Variants in CEP44 observed in about 807,000 individuals in gnomAD.
CEP44 encodes the protein centrosomal protein of 44 kDa.
CEP44 carries 45 observed loss-of-function variants against 46.7 expected under a neutral mutation model. That is an observed-to-expected ratio of 0.96 (90% CI 0.76 to 1.24). The LOEUF (loss-of-function observed/expected upper bound fraction) is 1.24, where lower values mean the gene tolerates loss of function less well. Ranked by LOEUF, CEP44 falls within the 50% of genes most tolerant of loss-of-function variation. The probability of loss-of-function intolerance (pLI) is 0.00; values close to 1 mark genes in which losing one functional copy is unlikely to be tolerated. For missense variants in CEP44, 475 were observed against 459.7 expected (o/e 1.03, Z -0.30); for synonymous variants, 142 against 146.0 (o/e 0.97, Z 0.20).
chr4:174,331,657 T>A lies in CEP44; in HGVS notation c.*62T>A, dbSNP rs915934999. Reference sequence around the variant, plus strand: ...CTGTACTCTGATGTTTCAGTGAAGCTCATCCACGAAGTCCAGAATTCTGCC... The same window carrying A: ...CTGTACTCTGATGTTTCAGTGAAGCACATCCACGAAGTCCAGAATTCTGCC... On this transcript the variant is annotated 3_prime_UTR_variant, in exon 9 of 9. Coordinates refer to the CEP44 transcript ENST00000426172. The surrounding 1 kb of genome is among the most constrained non-coding windows in gnomAD (Gnocchi z 4.5). The A allele has an allele frequency of 6.6e-6, 10 of 1,513,282 alleles. No individual in the cohort carries two copies. The highest frequency in any genetic ancestry group is 8.0e-6 in the Non-Finnish European group (9 of 1,124,880). 93.7% of individuals were successfully genotyped at this position (1,513,282 alleles called of 1,614,324 possible).
intron 9 of CEP44, among the ~76,000 whole-genome samples, chr4:174,315,189 C>T (rs543139073): frequency 6.6e-6 from 1 of 150,596 alleles, no homozygotes; most frequent in Non-Finnish European, 1.5e-5. Context: ...TGTAGGCTTA[C>T]AATAAAGCTC....
At position 174,308,833 on chromosome 4, in the gene CEP44, G is replaced by A. The variant is rs757554027; in HGVS notation, c.652G>A (p.Val218Ile). 3 of 1,612,998 alleles carry A rather than the reference G, an allele frequency of 1.9e-6. No homozygotes were observed. The highest frequency in any genetic ancestry group is 2.5e-6 in the Non-Finnish European group (3 of 1,179,320). The change falls in exon 7 of 12, where the codon GTT (valine) becomes ATT (isoleucine). Residue 218 changes from valine to isoleucine, a missense_variant. Val to Ile is a conservative substitution (Grantham distance 29). Transcript: ENST00000503780. ...TGAAATAAAGATGCCTGAAGTAAAG[G>A]TTCCTGAAATCAAGGCTGAGCAACA... Reference protein sequence around the residue: ...ATEIKMPEVKVPEIKAEQQDV... With the variant: ...ATEIKMPEVKIPEIKAEQQDV...
chr4:174,332,954 C>G (rs1579189190), exon 9 of CEP44: 1 of 151,978 alleles, frequency 6.6e-6, no homozygotes, highest in East Asian at 1.9e-4. Context: ...AACAATCCAC[C>G]AGGATGTTGA....
chr4:174,308,657 G>A, intron 6 of CEP44, 32 bp from the exon 7 acceptor site: 1 of 1,562,634 alleles, frequency 6.4e-7, no homozygotes, highest in East Asian at 2.3e-5. Flanking sequence ...GGAAAACATT[G>A]AAGTGTTTCT....
rs1424513396 is a variant in CEP44 at position 174,311,790 on chromosome 4, G to A, written c.961+932G>A. 6.6e-6 allele frequency among the ~76,000 whole-genome samples: 1 copy of A among 152,098 alleles called. No homozygotes were observed. The highest frequency in any genetic ancestry group is 1.5e-5 in the Non-Finnish European group (1 of 68,012). Reference sequence around the variant, plus strand: ...GAATTGTAGATCAAATTTGAATCCAGGCAACTGATCTGAAGTTTTTTCTTG... The same window carrying A: ...GAATTGTAGATCAAATTTGAATCCAAGCAACTGATCTGAAGTTTTTTCTTG... On this transcript the variant is annotated intron_variant, in intron 9 of 11. Coordinates refer to ENST00000503780, the MANE Select transcript of CEP44 (RefSeq NM_001040157.3). This position sits in a 1 kb window ranked among gnomAD's most constrained non-coding sequence, Gnocchi z 4.4.
downstream of CEP44, among the ~76,000 whole-genome samples, chr4:174,320,913 TAGTA>T (rs1208127709): frequency 3.3e-5 from 5 of 151,940 alleles, no homozygotes; most frequent in Admixed American, 2.0e-4. Context: ...CGAAGAAACA[TAGTA>T]AGAGTGACTT....
At chr4:174,283,715 T>A (rs960714218), upstream of CEP44, 2 of 397,096 alleles carry the variant, frequency 5.0e-6, no homozygotes, top group Non-Finnish European at 8.9e-6. The surrounding 1 kb of genome is among the most constrained non-coding windows in gnomAD (Gnocchi z 6.7). Context: ...CGCATTTTTA[T>A]TTCTGTTGTT....
chr4:174,332,469 C>T (rs1415193038), exon 9 of CEP44: 1 of 152,138 alleles, frequency 6.6e-6, no homozygotes, highest in Admixed American at 6.5e-5. Flanking sequence ...ATGTAATAGG[C>T]CTTGGCTTTA....
chr4:174,296,994 C>T (rs1214581061), intron 1 of CEP44, among the ~76,000 whole-genome samples: 12 of 151,958 alleles, frequency 7.9e-5, no homozygotes, highest in African/African-American at 2.9e-4. Flanking sequence ...AATAACTTTC[C>T]TTATTATAAA....
At chr4:174,303,330 T>C (rs1339553386) in intron 4 of CEP44, among the ~76,000 whole-genome samples, 5 of 152,058 alleles carry the variant, frequency 3.3e-5, no homozygotes, top group Non-Finnish European at 7.4e-5. Flanking sequence ...AAAAATCACA[T>C]AGTGGAAGAG....
Position 174,320,328 on chromosome 4 carries a change from G to C in CEP44, c.*2945G>C. The stretch of plus-strand genomic sequence containing the variant: ...TTTAAAAATAAAACTTGAAAACGTT[G>C]GGACTTTGTTTCATGCCATTCATTA... On this transcript the variant is annotated 3_prime_UTR_variant, in exon 12 of 12. Transcript: ENST00000503780. The C allele has an allele frequency of 2.1e-6, 2 of 974,618 alleles. No homozygotes were observed. The highest frequency in any genetic ancestry group is 1.2e-4 in the East Asian group (1 of 8,632). The allele number at this position is 974,618 out of a possible 1,614,324, so 60.4% of individuals were successfully genotyped here. A position where few individuals can be genotyped will look rare whatever the true frequency, so the allele number is the denominator to read the frequency against.
At chr4:174,328,511 C>T (rs1018596390) in intron 8 of CEP44, among the ~76,000 whole-genome samples, 46 of 152,288 alleles carry the variant, frequency 3.0e-4, no homozygotes, top group African/African-American at 1.1e-3. Flanking sequence ...GCCAATATCT[C>T]GAACAGTGCA....
rs774911680 is a variant in CEP44 at position 174,308,751 on chromosome 4, A to T, written c.570A>T (p.Thr190=). ...ATAATGTTGACATTTCTGAGGATAC[A>T]TTAAGTCCAATAACAGATGTTAATG... ...NEDNVDISED[T]LSPITDVNEA... is the part of the protein sequence containing the mutation. Residue 190 remains threonine, a synonymous_variant, in exon 7 of 12, where the codon ACA becomes ACT. Coordinates refer to ENST00000503780, the MANE Select transcript of CEP44 (RefSeq NM_001040157.3). 21 of 1,613,370 alleles carry T rather than the reference A, an allele frequency of 1.3e-5. No individual in the cohort carries two copies. Among genetic ancestry groups the T allele is most frequent in the Non-Finnish European group, 1.8e-5 (21 of 1,179,442 alleles).
At chr4:174,307,172 G>A (rs541346750) in intron 6 of CEP44, among the ~76,000 whole-genome samples, 6 of 152,220 alleles carry the variant, frequency 3.9e-5, no homozygotes, top group Admixed American at 2.6e-4. Context: ...TAAGGAGAAA[G>A]AACAAAGCTG....
chr4:174,289,298 T>C (rs199700195), intron 1 of CEP44, among the ~76,000 whole-genome samples: 2 of 124,374 alleles, frequency 1.6e-5, no homozygotes. Flanking sequence ...CCCTCTTCTT[T>C]TTTTTTTTTT....
chr4:174,296,763 ATTTTTT>A lies in CEP44; in HGVS notation c.-147-1187_-147-1182del, dbSNP rs202212472. 7.7e-5 allele frequency among the ~76,000 whole-genome samples: 7 copies of A among 90,400 alleles called. No individual in the cohort carries two copies. In the East Asian group the frequency reaches 1.6e-3, roughly 21 times the overall value. 59.3% of individuals were successfully genotyped at this position (90,400 alleles called of 152,430 possible). On this transcript the variant is annotated intron_variant, in intron 1 of 11. Transcript: ENST00000503780. ...TAGATGATATTGTTTGTCCTTACTG[ATTTTTT>A]TTTTTTTTTTTTTTTGCCTGCTGGA...
intron 1 of CEP44, chr4:174,284,386 G>A (rs995106785): frequency 4.4e-6 from 1 of 229,380 alleles, no homozygotes. Flanking sequence ...GGGTTGGAAA[G>A]TTATAGGCTT....
At chr4:174,315,096 T>C (rs914859700) in intron 9 of CEP44, among the ~76,000 whole-genome samples, 1 of 152,168 alleles carries the variant, frequency 6.6e-6, no homozygotes, top group Non-Finnish European at 1.5e-5. Flanking sequence ...AAAGAGACTG[T>C]GGCTCTATGA....
At chr4:174,284,779 T>C (rs1737378503) in intron 1 of CEP44, among the ~76,000 whole-genome samples, 1 of 152,232 alleles carries the variant, frequency 6.6e-6, no homozygotes, top group African/African-American at 2.4e-5. Flanking sequence ...TTCCCTAATA[T>C]CTTTTGCAGT....
Sources: allele counts gnomAD v4.1 joint callset (sites outside exome capture counted in the v4.1 genomes callset), GRCh38; gene constraint gnomAD v4.1.1; non-coding constraint Gnocchi (gnomAD v3.1); transcripts MANE v1.5; gene names NCBI Gene and HGNC (gene_info 2026-07-23, HGNC 2026-07-21).